The following TOP1 variants were observed in gnomAD, a reference collection of about 807,000 sequenced individuals.
The protein encoded by TOP1 is DNA topoisomerase I, also known as DNA topoisomerase 1.
A neutral mutation model predicts 111.1 loss-of-function variants in TOP1; 10 were observed. The ratio of observed to expected loss-of-function variants is 0.09; its 90% CI spans 0.06 to 0.15. TOP1 has a LOEUF of 0.15. Among genes scored for constraint, TOP1 ranks in the 10% least tolerant of loss-of-function variants. The probability of loss-of-function intolerance (pLI) is 1.00; values close to 1 mark genes in which losing one functional copy is unlikely to be tolerated. For synonymous variants in TOP1, 271 were observed against 302.9 expected (o/e 0.89, Z 1.10); for missense variants, 474 against 926.7 (o/e 0.51, Z 6.34).
At chr20:41,068,518 A>G (rs1301439859) in intron 3 of TOP1, among the ~76,000 whole-genome samples, 6 of 152,040 alleles carry the variant, frequency 3.9e-5, no homozygotes, top group Non-Finnish European at 7.4e-5. Flanking sequence ...CTCCCACCTC[A>G]GCCTCTTGAA....
rs1034235250 is a variant in TOP1 at position 41,110,115 on chromosome 20, C to T, written c.1309-2667C>T. Among the ~76,000 whole-genome samples, 28 of 152,078 alleles carry T rather than the reference C, an allele frequency of 1.8e-4. No homozygotes were observed. The highest frequency in any genetic ancestry group is 2.9e-4 in the African/African-American group (12 of 41,416). ...CAGCCTGGCCAACATGGCGAAACAC[C>T]GTCTCTACAAAAAAATACAAAAATT... On this transcript the variant is annotated intron_variant, in intron 13 of 20. Transcript: ENST00000361337. The surrounding 1 kb of genome is among the most constrained non-coding windows in gnomAD (Gnocchi z 4.2).
rs559887985 is a variant in TOP1 at position 41,101,517 on chromosome 20, G to C, written c.1308+164G>C. On this transcript the variant is annotated intron_variant, in intron 13 of 20. Transcript: ENST00000361337. The surrounding 1 kb of genome is among the most constrained non-coding windows in gnomAD (Gnocchi z 4.1). ...TTAGCATTATGGTGATCTTCCTACA[G>C]TGCCTCCATTTTTTTGGTCACATTG... 5.9e-5 allele frequency among the ~76,000 whole-genome samples: 9 copies of C among 152,308 alleles called. No individual in the cohort carries two copies. Among genetic ancestry groups the C allele is most frequent in the Non-Finnish European group, 1.0e-4 (7 of 68,026 alleles).
Position 41,116,690 on chromosome 20 carries a change from G to T in TOP1, c.1822+298G>T, listed in dbSNP as rs2034335835. 1.3e-5 allele frequency among the ~76,000 whole-genome samples: 2 copies of T among 152,180 alleles called. No individual in the cohort carries two copies. Among genetic ancestry groups the T allele is most frequent in the African/African-American group, 4.8e-5 (2 of 41,432 alleles). ...CATATATTACTTAAAAGCCCACAGA[G>T]TGAAGACAGTGCTGTGATGTTCTGT... On this transcript the variant is annotated intron_variant, in intron 17 of 20. Transcript: ENST00000361337. The surrounding 1 kb of genome is among the most constrained non-coding windows in gnomAD (Gnocchi z 5.6).
intron 14 of TOP1, among the ~76,000 whole-genome samples, chr20:41,113,615 C>G (rs921936481): frequency 2.0e-5 from 3 of 151,638 alleles, no homozygotes; most frequent in Non-Finnish European, 2.9e-5. Flanking sequence ...CAGTGGCTCA[C>G]GCCTGTAATC....
rs2033111979 is a variant in TOP1, at chr20:41,030,980, A to G, written c.58+1525A>G. Among the ~76,000 whole-genome samples, 1 of 152,236 alleles carries G rather than the reference A, an allele frequency of 6.6e-6. No homozygotes were observed. The highest frequency in any genetic ancestry group is 2.1e-4 in the South Asian group (1 of 4,832). ...CTCAATTCAGTCTATTGGGGGAGAC[A>G]TAATTAGTTAATTATAAGGTAACTA... is the stretch of plus-strand genomic sequence containing the variant. On this transcript the variant is annotated intron_variant, in intron 2 of 20. Coordinates refer to ENST00000361337, the MANE Select transcript of TOP1 (RefSeq NM_003286.4). The surrounding 1 kb of genome is among the most constrained non-coding windows in gnomAD (Gnocchi z 4.1).
chr20:41,106,831 A>G lies in TOP1; in HGVS notation c.1308+5478A>G, dbSNP rs920834970. On this transcript the variant is annotated intron_variant, in intron 13 of 20. Transcript: ENST00000361337. This position sits in a 1 kb window ranked among gnomAD's most constrained non-coding sequence, Gnocchi z 4.3. Reference sequence around the variant, plus strand: ...TCTGTCATTTGGGGTTTCTATGTAGATAATTTAATTATCTATAAAAACAGT... The same window carrying G: ...TCTGTCATTTGGGGTTTCTATGTAGGTAATTTAATTATCTATAAAAACAGT... Among the ~76,000 whole-genome samples, 13 of 152,148 alleles carry G rather than the reference A, an allele frequency of 8.5e-5. No individual in the cohort carries two copies. The highest frequency in any genetic ancestry group is 8.5e-4 in the Admixed American group (13 of 15,278).
intron 13 of TOP1, among the ~76,000 whole-genome samples, chr20:41,111,562 C>G (rs1017163030): frequency 6.6e-6 from 1 of 151,046 alleles, no homozygotes; most frequent in Non-Finnish European, 1.5e-5. Context: ...CTTCTGCACA[C>G]CCAGAAGGCT....
chr20:41,118,724 T>C lies in TOP1; in HGVS notation c.1950+428T>C, dbSNP rs1247477834. 6.6e-6 allele frequency among the ~76,000 whole-genome samples: 1 copy of C among 152,260 alleles called. No individual in the cohort carries two copies. The highest frequency in any genetic ancestry group is 1.5e-5 in the Non-Finnish European group (1 of 68,046). ...AATTATATATTTAAAGTCTTTCAAA[T>C]CCTAGCATAGCTATTTTTATTTTTA... On this transcript the variant is annotated intron_variant, in intron 18 of 20. Transcript: ENST00000361337. This position sits in a 1 kb window ranked among gnomAD's most constrained non-coding sequence, Gnocchi z 4.6.
chr20:41,110,596 A>G lies in TOP1; in HGVS notation c.1309-2186A>G, dbSNP rs937168936. The stretch of plus-strand genomic sequence containing the variant: ...CCACTCTGCTGAATGGATAGCAGCT[A>G]TATTAGAGAGACAATATAGTGGGCC... On this transcript the variant is annotated intron_variant, in intron 13 of 20. Coordinates refer to ENST00000361337, the MANE Select transcript of TOP1 (RefSeq NM_003286.4). The surrounding 1 kb of genome is among the most constrained non-coding windows in gnomAD (Gnocchi z 4.2). Among the ~76,000 whole-genome samples the G allele has an allele frequency of 6.6e-6, 1 of 152,242 alleles. No individual in the cohort carries two copies. The highest frequency in any genetic ancestry group is 2.4e-5 in the African/African-American group (1 of 41,462).
In TOP1 at chr20:41,102,224, G is replaced by A. The variant is rs1453768977; in HGVS notation, c.1308+871G>A. 6.6e-6 allele frequency among the ~76,000 whole-genome samples: 1 copy of A among 152,192 alleles called. No homozygotes were observed. Among genetic ancestry groups the A allele is most frequent in the Non-Finnish European group, 1.5e-5 (1 of 68,036 alleles). Reference sequence around the variant, plus strand: ...CTATGTGAATAGGCAAGACTAAACTGTACATTTTCTGGCTTGTAGCCCTGT... The same window carrying A: ...CTATGTGAATAGGCAAGACTAAACTATACATTTTCTGGCTTGTAGCCCTGT... On this transcript the variant is annotated intron_variant, in intron 13 of 20. Coordinates refer to ENST00000361337, the MANE Select transcript of TOP1 (RefSeq NM_003286.4). This position sits in a 1 kb window ranked among gnomAD's most constrained non-coding sequence, Gnocchi z 4.0.
rs146954355 is a variant in TOP1, at chr20:41,059,273, C to T, written c.59-2121C>T. On this transcript the variant is annotated intron_variant, in intron 2 of 20. Coordinates refer to ENST00000361337, the MANE Select transcript of TOP1 (RefSeq NM_003286.4). ...ATCTGTACAACAAACCTCCATGACACGAGTTTACCTATATAACAAACCTGC... is the reference window on the plus strand; with the variant it reads ...ATCTGTACAACAAACCTCCATGACATGAGTTTACCTATATAACAAACCTGC... Among the ~76,000 whole-genome samples the T allele has an allele frequency of 2.3e-3, 352 of 151,582 alleles. 1 individual carries two copies. Among genetic ancestry groups the T allele is most frequent in the Non-Finnish European group, 2.7e-3 (185 of 67,956 alleles).
Position 41,115,142 on chromosome 20 carries a change from GAACA to G in TOP1, c.1639-223_1639-220del, listed in dbSNP as rs2034308158. On this transcript the variant is annotated intron_variant, in intron 15 of 20. Coordinates refer to ENST00000361337, the MANE Select transcript of TOP1 (RefSeq NM_003286.4). The surrounding 1 kb of genome is among the most constrained non-coding windows in gnomAD (Gnocchi z 6.3). ...TAAGTAAGTGCTTATAAATGGCTCA[GAACA>G]AACAATTATGTATATATATCTGTAA... Among the ~76,000 whole-genome samples the G allele has an allele frequency of 6.6e-6, 1 of 151,952 alleles. No homozygotes were observed. Among genetic ancestry groups the G allele is most frequent in the African/African-American group, 2.4e-5 (1 of 41,446 alleles).
intron 13 of TOP1, among the ~76,000 whole-genome samples, chr20:41,108,895 CA>C (rs2034190606): frequency 6.6e-6 from 1 of 152,218 alleles, no homozygotes; most frequent in Non-Finnish European, 1.5e-5. Flanking sequence ...CCTGCTCTCA[CA>C]ACCCAGGGAA....
At chr20:41,089,215 G>A (rs889147337) in intron 8 of TOP1, among the ~76,000 whole-genome samples, 3 of 151,746 alleles carry the variant, frequency 2.0e-5, no homozygotes, top group Non-Finnish European at 4.4e-5. Flanking sequence ...TGGTAGAGAC[G>A]GGGTTTCGCC....
chr20:41,056,865 C>T lies in TOP1; in HGVS notation c.59-4529C>T, dbSNP rs144290594. Among the ~76,000 whole-genome samples, 6 of 152,218 alleles carry T rather than the reference C, an allele frequency of 3.9e-5. No homozygotes were observed. In the East Asian group the frequency reaches 7.7e-4, roughly 20 times the overall value. On this transcript the variant is annotated intron_variant, in intron 2 of 20. Transcript: ENST00000361337. The stretch of plus-strand genomic sequence containing the variant: ...CAATGAGATTAATGAGCCACAGCCC[C>T]GAGTTTCTCACCAGACATTTTTGAT...
rs1463423559 is a variant in TOP1, at chr20:41,080,567, G to A, written c.431+387G>A. ...CAGACATTCTAAGTGAAGTTTCAGT[G>A]TGTAAAAATAATAAAACTGCTCATA... On this transcript the variant is annotated intron_variant, in intron 6 of 20. Coordinates refer to ENST00000361337, the MANE Select transcript of TOP1 (RefSeq NM_003286.4). This position sits in a 1 kb window ranked among gnomAD's most constrained non-coding sequence, Gnocchi z 5.0. Among the ~76,000 whole-genome samples, 2 of 152,148 alleles carry A rather than the reference G, an allele frequency of 1.3e-5. No homozygotes were observed. The highest frequency in any genetic ancestry group is 2.9e-5 in the Non-Finnish European group (2 of 68,014).
intron 6 of TOP1, 51 bp from the exon 7 acceptor site, chr20:41,081,114 A>T: frequency 6.5e-7 from 1 of 1,540,594 alleles, no homozygotes; most frequent in Non-Finnish European, 8.8e-7. Flanking sequence ...TATGAGTGAG[A>T]ACTCCTGAAT....
Position 41,086,814 on chromosome 20 carries a change from G to A in TOP1, c.614+2246G>A, listed in dbSNP as rs76350473. Among the ~76,000 whole-genome samples, 707 of 152,254 alleles carry A rather than the reference G, an allele frequency of 4.6e-3. 2 individuals carry two copies. The highest frequency in any genetic ancestry group is 6.5e-3 in the Non-Finnish European group (442 of 68,010). On this transcript the variant is annotated intron_variant, in intron 8 of 20. Transcript: ENST00000361337. Reference sequence around the variant, plus strand: ...AGCTTCTAACGCATGCATTTCTCAGGTGTGATGGTTAAACCTTGCACATTC... The same window carrying A: ...AGCTTCTAACGCATGCATTTCTCAGATGTGATGGTTAAACCTTGCACATTC...
intron 13 of TOP1, among the ~76,000 whole-genome samples, chr20:41,108,160 G>A (rs896481183): frequency 6.6e-6 from 1 of 152,138 alleles, no homozygotes; most frequent in Non-Finnish European, 1.5e-5. Context: ...CTGCCATCAT[G>A]ATGCTTTTGT....
Sources: allele counts gnomAD v4.1 joint callset (sites outside exome capture counted in the v4.1 genomes callset), GRCh38; gene constraint gnomAD v4.1.1; non-coding constraint Gnocchi (gnomAD v3.1); transcripts MANE v1.5; gene names NCBI Gene and HGNC (gene_info 2026-07-23, HGNC 2026-07-21).